The following ERBIN variants were observed in gnomAD, a reference collection of about 807,000 sequenced individuals.
ERBIN encodes the protein densin-180-like protein.
A neutral mutation model predicts 158.4 loss-of-function variants in ERBIN; 60 were observed. The ratio of observed to expected loss-of-function variants is 0.38; its 90% CI spans 0.31 to 0.47. The LOEUF (loss-of-function observed/expected upper bound fraction) is 0.47, where lower values mean the gene tolerates loss of function less well. Ranked by LOEUF, ERBIN falls within the 20% of genes least tolerant of loss-of-function variation. ERBIN has a pLI of 0.99. For synonymous variants in ERBIN, 594 were observed against 557.2 expected (o/e 1.07, Z -0.93); for missense variants, 1,610 against 1,648.0 (o/e 0.98, Z 0.40).
chr5:65,966,680 CAAAAAAAAAAAA>C (rs70987105), intron 1 of ERBIN, among the ~76,000 whole-genome samples: 6 of 50,114 alleles, frequency 1.2e-4, no homozygotes, highest in African/African-American at 3.8e-4. Flanking sequence ...AACTCTGTCT[CAAAAAAAAAAAA>C]AAAAAAAAAA....
chr5:66,026,970 G>A (rs917128072), intron 13 of ERBIN, among the ~76,000 whole-genome samples: 1 of 151,920 alleles, frequency 6.6e-6, no homozygotes, highest in African/African-American at 2.4e-5. Flanking sequence ...ACAAAGCCAA[G>A]GTGCAGAGTA....
chr5:65,964,005 T>C (rs1748241061), intron 1 of ERBIN, among the ~76,000 whole-genome samples: 1 of 152,142 alleles, frequency 6.6e-6, no homozygotes, highest in Non-Finnish European at 1.5e-5. Flanking sequence ...TTCACCATGT[T>C]AGCCAGGATG....
intron 1 of ERBIN, among the ~76,000 whole-genome samples, chr5:65,940,979 T>A (rs1169069516): frequency 1.3e-5 from 2 of 152,048 alleles, no homozygotes; most frequent in Admixed American, 6.5e-5. Context: ...CTAAGAAAAA[T>A]TCTTCTGCCT....
intron 14 of ERBIN, among the ~76,000 whole-genome samples, chr5:66,029,714 CT>C: frequency 6.6e-6 from 1 of 152,260 alleles, no homozygotes; most frequent in Admixed American, 6.5e-5. Flanking sequence ...AAGCGATTCT[CT>C]TGCCTCAGCC....
At chr5:66,067,939 A>T (rs148912991) in intron 21 of ERBIN, among the ~76,000 whole-genome samples, 2 of 152,264 alleles carry the variant, frequency 1.3e-5, no homozygotes, top group Non-Finnish European at 2.9e-5. Context: ...AGCAAGACCC[A>T]TGTCTCTTTA....
chr5:66,033,938 G>A lies in ERBIN; in HGVS notation c.1207-4445G>A, dbSNP rs184382879. ...AGCCTGACCAATATGGGGAAATCCC[G>A]TCTCTACTGAAAATACAAAAATTAG... On this transcript the variant is annotated intron_variant, in intron 14 of 25. Transcript: ENST00000284037. Among the ~76,000 whole-genome samples, 24 of 152,092 alleles carry A rather than the reference G, an allele frequency of 1.6e-4. No homozygotes were observed. The East Asian group carries it at 4.1e-3, about 26-fold the overall frequency.
chr5:66,072,659 A>G (rs80285849), intron 22 of ERBIN, among the ~76,000 whole-genome samples: 2,077 of 152,310 alleles, frequency 0.014, 61 homozygotes, highest in African/African-American at 0.048. Flanking sequence ...ATCTTTTACT[A>G]TTACTAAAGT....
At chr5:66,066,535 AC>A (rs1184139097) in intron 21 of ERBIN, among the ~76,000 whole-genome samples, 3 of 150,912 alleles carry the variant, frequency 2.0e-5, no homozygotes, top group Non-Finnish European at 2.9e-5. Flanking sequence ...AAAAAAAAAA[AC>A]AAAAAAAACT....
At chr5:65,931,177 C>T (rs191404163) in intron 1 of ERBIN, among the ~76,000 whole-genome samples, 1 of 152,214 alleles carries the variant, frequency 6.6e-6, no homozygotes, top group South Asian at 2.1e-4. Flanking sequence ...TTAATCACAA[C>T]AGGTATGACA....
At position 65,956,372 on chromosome 5, in the gene ERBIN, A is replaced by ATT. The variant is rs1200098319; in HGVS notation, c.-58+29584_-58+29585dup. On this transcript the variant is annotated intron_variant, in intron 1 of 25. Coordinates refer to ENST00000284037, the MANE Select transcript of ERBIN (RefSeq NM_001253697.2). Reference sequence around the variant, plus strand: ...TAATCATACAGCATTCTTTCAGGTGATTTTTTTTTTTTTTTTTTTGAGATG... The same window carrying ATT: ...TAATCATACAGCATTCTTTCAGGTGATTTTTTTTTTTTTTTTTTTTTGAGATG... Among the ~76,000 whole-genome samples, 866 of 121,582 alleles carry ATT rather than the reference A, an allele frequency of 7.1e-3. 16 individuals carry two copies. The highest frequency in any genetic ancestry group is 0.023 in the African/African-American group (735 of 31,880). The allele number at this position is 121,582 out of a possible 152,430, so 79.8% of individuals were successfully genotyped here. A position where few individuals can be genotyped will look rare whatever the true frequency, so the allele number is the denominator to read the frequency against.
chr5:65,975,388 C>T (rs1749743915), intron 1 of ERBIN, among the ~76,000 whole-genome samples: 1 of 152,160 alleles, frequency 6.6e-6, no homozygotes, highest in African/African-American at 2.4e-5. Context: ...TCACTGTAAC[C>T]TCCGCCTCCC....
chr5:66,058,204 C>G (rs534472825), intron 21 of ERBIN, among the ~76,000 whole-genome samples: 79 of 151,804 alleles, frequency 5.2e-4, no homozygotes, highest in Admixed American at 1.5e-3. Flanking sequence ...CTGTTGTTTC[C>G]TGACTTTTTA....
At chr5:65,937,720 A>G (rs1447745695) in intron 1 of ERBIN, among the ~76,000 whole-genome samples, 1 of 152,166 alleles carries the variant, frequency 6.6e-6, no homozygotes, top group Non-Finnish European at 1.5e-5. Flanking sequence ...CATCCTGGCT[A>G]ACACGGTGAA....
chr5:66,026,493 A>G, intron 13 of ERBIN, 76 bp downstream of exon 13: 2 of 691,058 alleles, frequency 2.9e-6, no homozygotes, highest in Non-Finnish European at 2.3e-6. Context: ...ATGATATATA[A>G]TAGAATAGCT....
At chr5:65,958,805 G>A (rs1210959768) in intron 1 of ERBIN, among the ~76,000 whole-genome samples, 1 of 152,206 alleles carries the variant, frequency 6.6e-6, no homozygotes, top group African/African-American at 2.4e-5. Flanking sequence ...AGTACATGAT[G>A]TGTTCAACAC....
chr5:66,058,040 G>A (rs1327666645), intron 21 of ERBIN, among the ~76,000 whole-genome samples: 1 of 151,944 alleles, frequency 6.6e-6, no homozygotes, highest in African/African-American at 2.4e-5. Flanking sequence ...AATCCTTTAG[G>A]TATATACCCA....
chr5:65,939,616 G>T (rs1165421892), intron 1 of ERBIN, among the ~76,000 whole-genome samples: 3 of 152,046 alleles, frequency 2.0e-5, no homozygotes, highest in Non-Finnish European at 4.4e-5. Context: ...GGACTGTACT[G>T]CTGCCATCTC....
chr5:65,949,583 C>T (rs762462678), intron 1 of ERBIN, among the ~76,000 whole-genome samples: 4 of 152,130 alleles, frequency 2.6e-5, no homozygotes, highest in Non-Finnish European at 4.4e-5. Flanking sequence ...GATTAGTTGT[C>T]GTTTAGAAAA....
At chr5:65,940,431 C>T (rs1744748761) in intron 1 of ERBIN, among the ~76,000 whole-genome samples, 1 of 140,634 alleles carries the variant, frequency 7.1e-6, no homozygotes, top group African/African-American at 2.9e-5. Context: ...GGTCAGCCCC[C>T]CGCCCGGCCA....
Sources: gnomAD v4.1 joint callset for allele counts (sites outside exome capture counted in the v4.1 genomes callset) on GRCh38, gnomAD v4.1.1 for gene constraint, MANE v1.5 for transcripts, NCBI Gene and HGNC (gene_info 2026-07-23, HGNC 2026-07-21) for gene names.